Variants in LTN1 observed in about 807,000 individuals in gnomAD.
LTN1 encodes E3 ubiquitin-protein ligase listerin.
A neutral mutation model predicts 201.2 loss-of-function variants in LTN1; 88 were observed. The observed-to-expected ratio is 0.44, with a 90% CI of 0.37 to 0.52. LTN1 has a LOEUF of 0.52. Among genes scored for constraint, LTN1 ranks in the 20% least tolerant of loss-of-function variants. The probability of loss-of-function intolerance (pLI) is 0.00; values close to 1 mark genes in which losing one functional copy is unlikely to be tolerated. For synonymous variants in LTN1, 645 were observed against 713.5 expected (o/e 0.90, Z 1.53); for missense variants, 1,752 against 2,038.7 (o/e 0.86, Z 2.71).
At chr21:28,932,051 CA>C (rs1191237821) in intron 28 of LTN1, among the ~76,000 whole-genome samples, 1 of 152,094 alleles carries the variant, frequency 6.6e-6, no homozygotes, top group Non-Finnish European at 1.5e-5. Context: ...ACACAATGTG[CA>C]CACAGAACTG....
At chr21:28,950,373 T>C (rs2084372566) in intron 18 of LTN1, among the ~76,000 whole-genome samples, 2 of 152,198 alleles carry the variant, frequency 1.3e-5, no homozygotes, top group Admixed American at 6.5e-5. Flanking sequence ...GTGTGGTAAA[T>C]ATACATCCAT....
rs1395369190 is a variant in LTN1 at position 28,956,754 on chromosome 21, ATACT to A, written c.3079+4_3079+7del. ...TTATGTTATATGTAAATACTCATAT[ATACT>A]TACTTATTTTCTCAAGCTCATTATT... On this transcript the variant is annotated splice_donor_5th_base_variant and intron_variant, in intron 16 of 29. Transcript: ENST00000361371. The A allele has an allele frequency of 4.0e-6, 6 of 1,509,110 alleles. No individual in the cohort carries two copies. Among genetic ancestry groups the A allele is most frequent in the Non-Finnish European group, 5.5e-6 (6 of 1,098,678 alleles). The allele number at this position is 1,509,110 out of a possible 1,614,324, so 93.5% of individuals were successfully genotyped here. A position where few individuals can be genotyped will look rare whatever the true frequency, so the allele number is the denominator to read the frequency against.
At chr21:28,962,803 A>T (rs1057392970) in intron 11 of LTN1, among the ~76,000 whole-genome samples, 4 of 152,246 alleles carry the variant, frequency 2.6e-5, no homozygotes, top group African/African-American at 9.6e-5. Flanking sequence ...GTGAATGCAA[A>T]GGAAAAGTTA....
At position 28,981,281 on chromosome 21, in the gene LTN1, T is replaced by G. The variant is rs1364283570; in HGVS notation, c.648A>C (p.Glu216Asp). Reference sequence around the variant, plus strand: ...CAACCCGGTAGAATTTAGCTTCTCTTTCTTCCTCTGGAACAGTTCTTGATA... The same window carrying G: ...CAACCCGGTAGAATTTAGCTTCTCTGTCTTCCTCTGGAACAGTTCTTGATA... ...LSDPQTVPEE[E>D]REAKFYRVVT... The change falls in exon 6 of 30, where the codon GAA becomes GAC. Residue 216 changes from glutamate (E) to aspartate (D), a missense_variant. By Grantham distance (45) the Glu-to-Asp change is conservative. Around this residue, in one of 3 missense-constraint regions of LTN1, gnomAD observed 280 missense variants for 375.7 expected, o/e 0.75. Coordinates refer to ENST00000361371, the MANE Select transcript of LTN1 (RefSeq NM_015565.3). The G allele has an allele frequency of 6.4e-7, 1 of 1,551,936 alleles. No individual in the cohort carries two copies. Among genetic ancestry groups the G allele is most frequent in the Non-Finnish European group, 8.6e-7 (1 of 1,158,138 alleles).
chr21:28,937,249 T>C (rs2084263902), intron 25 of LTN1, among the ~76,000 whole-genome samples: 1 of 152,202 alleles, frequency 6.6e-6, no homozygotes, highest in African/African-American at 2.4e-5. Flanking sequence ...CAACTCCTGC[T>C]TTCCCTCCAT....
At chr21:28,938,617 C>G (rs968227785) in intron 25 of LTN1, among the ~76,000 whole-genome samples, 2 of 151,958 alleles carry the variant, frequency 1.3e-5, no homozygotes, top group Non-Finnish European at 2.9e-5. Context: ...AGCTCGTACA[C>G]GAATGTTCAC....
chr21:28,971,124 A>G, intron 7 of LTN1, 147 bp downstream of exon 7: 1 of 606,066 alleles, frequency 1.6e-6, no homozygotes, highest in Non-Finnish European at 2.6e-6. Flanking sequence ...AAAATAAAAT[A>G]AAAACTCTAT....
intron 1 of LTN1, 85 bp downstream of exon 1, chr21:28,992,679 T>G: frequency 6.6e-7 from 1 of 1,513,414 alleles, no homozygotes; most frequent in Middle Eastern, 1.8e-4. Context: ...ACAGCCGCGC[T>G]CCACACACCC....
chr21:28,986,980 T>G lies in LTN1; in HGVS notation c.43-46A>C. On this transcript the variant is annotated intron_variant, in intron 1 of 29. Coordinates refer to ENST00000361371, the MANE Select transcript of LTN1 (RefSeq NM_015565.3). The surrounding 1 kb of genome is among the most constrained non-coding windows in gnomAD (Gnocchi z 4.1). Reference sequence around the variant, plus strand: ...AAAAAAGTCAGAGTCCAGGAAGGGTTCAAAACTTAACTTTATAATTCCTTG... The same window carrying G: ...AAAAAAGTCAGAGTCCAGGAAGGGTGCAAAACTTAACTTTATAATTCCTTG... 3.8e-6 allele frequency: 5 copies of G among 1,313,854 alleles called. No homozygotes were observed. The highest frequency in any genetic ancestry group is 5.5e-6 in the Non-Finnish European group (5 of 910,454). 81.4% of individuals were successfully genotyped at this position (1,313,854 alleles called of 1,614,324 possible). A position where few individuals can be genotyped will look rare whatever the true frequency, so the allele number is the denominator to read the frequency against.
In LTN1 at chr21:28,984,690, A is replaced by C; in HGVS notation, c.576+2T>G. The C allele has an allele frequency of 6.2e-7, 1 of 1,607,182 alleles. No homozygotes were observed. Among genetic ancestry groups the C allele is most frequent in the Non-Finnish European group, 8.5e-7 (1 of 1,174,466 alleles). On this transcript the variant is annotated splice_donor_variant, in intron 4 of 29. Transcript: ENST00000361371. LOFTEE classifies it high-confidence loss of function. ...TAGATTCAGAATGATTCCAGAACTT[A>C]CACTTGTAATTTCATCCTTACAAAA... is the stretch of plus-strand genomic sequence containing the variant.
Position 28,970,649 on chromosome 21 carries a change from A to G in LTN1, c.1078T>C (p.Tyr360His). 1 of 1,613,900 alleles carries G rather than the reference A, an allele frequency of 6.2e-7. No homozygotes were observed. The highest frequency in any genetic ancestry group is 8.5e-7 in the Non-Finnish European group (1 of 1,179,790). The change falls in exon 8 of 30, where the codon TAT becomes CAT. Residue 360 changes from tyrosine (Y) to histidine (H), a missense_variant. By Grantham distance (83) the Tyr-to-His change is moderately conservative (BLOSUM62 2). Coordinates refer to ENST00000361371, the MANE Select transcript of LTN1 (RefSeq NM_015565.3). ...EGGRGLATVIYPYLLPFISKL... is the reference protein window; with the variant it reads ...EGGRGLATVIHPYLLPFISKL... ...CTGATGAATGGCAGAAGGTAAGGATATATGACAGTAGCTAGACCCCGACCA... is the reference window on the plus strand; with the variant it reads ...CTGATGAATGGCAGAAGGTAAGGATGTATGACAGTAGCTAGACCCCGACCA...
At chr21:28,964,954 A>C (rs2084509497) in intron 11 of LTN1, among the ~76,000 whole-genome samples, 2 of 152,208 alleles carry the variant, frequency 1.3e-5, no homozygotes, top group Non-Finnish European at 2.9e-5. Context: ...ATTGAAAAAT[A>C]ATAAATATTC....
chr21:28,937,030 T>C (rs1048594295), intron 25 of LTN1, among the ~76,000 whole-genome samples: 1 of 152,254 alleles, frequency 6.6e-6, no homozygotes, highest in Non-Finnish European at 1.5e-5. Flanking sequence ...TTTTTATGGC[T>C]GACCTCACCC....
chr21:28,952,246 T>G lies in LTN1; in HGVS notation c.3258A>C (p.Thr1086=). The change falls in exon 18 of 30, where the codon ACA becomes ACC. Residue 1086 remains threonine (T), a synonymous_variant. Transcript: ENST00000361371. The part of the protein sequence containing the change: ...LLFNRSREHG[T]LWSLIIAKLI... ...ACTTAGCAATAATAAGAGACCACAGTGTGCCATGTTCTCTGGACCTGAAAA... is the reference window on the plus strand; with the variant it reads ...ACTTAGCAATAATAAGAGACCACAGGGTGCCATGTTCTCTGGACCTGAAAA... The G allele has an allele frequency of 6.2e-7, 1 of 1,604,706 alleles. No individual in the cohort carries two copies. Among genetic ancestry groups the G allele is most frequent in the Non-Finnish European group, 8.5e-7 (1 of 1,174,656 alleles).
intron 23 of LTN1, 54 bp from the exon 24 acceptor site, chr21:28,943,390 C>G: frequency 9.0e-7 from 1 of 1,115,936 alleles, no homozygotes; most frequent in Non-Finnish European, 1.3e-6. Flanking sequence ...TTTATTAAGT[C>G]GTGCTCAAGA....
At position 28,970,727 on chromosome 21, in the gene LTN1, C is replaced by T. The variant is rs376596181; in HGVS notation, c.1000G>A (p.Val334Ile). The part of the protein sequence containing the change: ...LTTIEDCWLH[V>I]NAKKSVFPKL... ...GGAAACACACTCTTTTTTGCATTTA[C>T]ATGAAGCCAACAGTCCTAACCAAAC... Residue 334 changes from valine to isoleucine, a missense_variant, in exon 8 of 30, where the codon GTA becomes ATA. Val to Ile is a conservative substitution (Grantham distance 29, BLOSUM62 3). Transcript: ENST00000361371. 57 of 1,613,674 alleles carry T rather than the reference C, an allele frequency of 3.5e-5. No homozygotes were observed. In the African/African-American group the frequency reaches 6.0e-4, roughly 17 times the overall value.
chr21:28,931,640 A>G (rs2084211803), intron 28 of LTN1, among the ~76,000 whole-genome samples: 1 of 152,266 alleles, frequency 6.6e-6, no homozygotes, highest in South Asian at 2.1e-4. Context: ...TGTTTAACTG[A>G]AAATGATGAA....
chr21:28,979,800 T>G (rs951721571), intron 6 of LTN1, among the ~76,000 whole-genome samples: 1 of 152,018 alleles, frequency 6.6e-6, no homozygotes, highest in South Asian at 2.1e-4. Context: ...TGAAACCCTG[T>G]CTCTACTAAA....
At position 28,960,286 on chromosome 21, in the gene LTN1, G is replaced by A. The variant is rs543721319; in HGVS notation, c.2353+231C>T. Among the ~76,000 whole-genome samples the A allele has an allele frequency of 3.3e-5, 5 of 149,780 alleles. No homozygotes were observed. The South Asian group carries it at 8.4e-4, about 25-fold the overall frequency. On this transcript the variant is annotated intron_variant, in intron 12 of 29. Coordinates refer to ENST00000361371, the MANE Select transcript of LTN1 (RefSeq NM_015565.3). ...GGAAGCTGAGGCACAAGAATCACTT[G>A]AACTCAGATGTTGTAAGCCAAGATC... is the stretch of plus-strand genomic sequence containing the variant.
Sources: allele counts gnomAD v4.1 joint callset (sites outside exome capture counted in the v4.1 genomes callset), GRCh38; gene constraint gnomAD v4.1.1; regional missense constraint gnomAD v4.1.1; non-coding constraint Gnocchi (gnomAD v3.1); transcripts MANE v1.5; gene names NCBI Gene and HGNC (gene_info 2026-07-23, HGNC 2026-07-21).